The following NHSL2 variants were observed in gnomAD, a reference collection of about 807,000 sequenced individuals.
NHSL2 encodes the protein NHS-like protein 2.
Under a neutral mutation model 53.4 loss-of-function variants are expected in NHSL2, and 27 were observed. The observed-to-expected ratio is 0.51, with a 90% CI of 0.37 to 0.70. NHSL2 has a LOEUF of 0.70. NHSL2 is among the 30% of genes least tolerant of loss of function. The probability of loss-of-function intolerance (pLI) is 0.00; values close to 1 mark genes in which losing one functional copy is unlikely to be tolerated. For missense variants in NHSL2, 892 were observed against 980.1 expected, an observed-to-expected ratio of 0.91 and a Z score of 1.20; for synonymous variants, 408 against 404.1, an observed-to-expected ratio of 1.01 and a Z score of -0.12.
chrX:72,071,034 C>A (rs1454394609), intron 1 of NHSL2, among the ~76,000 whole-genome samples: 1 of 111,629 alleles, frequency 9.0e-6, no homozygotes, highest in East Asian at 2.8e-4. Context: ...GTCCCAGGGG[C>A]AGCCCTACAA....
In NHSL2 at chrX:72,149,015, A is replaced by G. The variant is rs963415899; in HGVS notation, c.*5441A>G. The G allele has an allele frequency of 4.5e-5, 5 of 110,472 alleles. No homozygotes were observed. In the Admixed American group the frequency reaches 4.8e-4, roughly 11 times the overall value. 9.1% of individuals were successfully genotyped at this position (110,472 alleles called of 1,213,427 possible). ...CTCTGGCCAAGAGGTGTATATTGTT[A>G]TCTTGGTCAGGCATATGTTTGCTTG... is the stretch of plus-strand genomic sequence containing the variant. On this transcript the variant is annotated 3_prime_UTR_variant, in exon 8 of 8. Coordinates refer to ENST00000633930, the MANE Select transcript of NHSL2 (RefSeq NM_001013627.3).
chrX:72,131,266 G>A (rs756193136), intron 1 of NHSL2: 7 of 1,195,372 alleles, frequency 5.9e-6, no homozygotes, highest in Admixed American at 4.5e-5. Context: ...CTCCGCGCGT[G>A]GGGGAGGCCG....
intron 1 of NHSL2, among the ~76,000 whole-genome samples, chrX:71,951,005 TACACACACAC>T (rs10527333): frequency 5.6e-5 from 5 of 89,747 alleles, no homozygotes; most frequent in African/African-American, 1.7e-4. Flanking sequence ...AAATACAAAA[TACACACACAC>T]ACACACACAC....
chrX:72,098,618 G>A (rs909455880), intron 1 of NHSL2, among the ~76,000 whole-genome samples: 1 of 109,689 alleles, frequency 9.1e-6, no homozygotes, highest in Non-Finnish European at 1.9e-5. Flanking sequence ...GAAGTTGAAA[G>A]GGGTGTTTAC....
chrX:72,024,442 C>G (rs1332151431), intron 1 of NHSL2, among the ~76,000 whole-genome samples: 1 of 111,995 alleles, frequency 8.9e-6, no homozygotes, highest in Non-Finnish European at 1.9e-5. Context: ...TTAAAGGAGA[C>G]ATTTGAAGAT....
intron 1 of NHSL2, among the ~76,000 whole-genome samples, chrX:72,105,935 C>T (rs190270853): frequency 2.5e-4 from 28 of 112,258 alleles, no homozygotes; most frequent in African/African-American, 6.8e-4. Context: ...TGAGGCCGGG[C>T]GCGGTGGCTC....
At position 72,142,234 on chromosome X, in the gene NHSL2, A is replaced by C. The variant is rs920453739; in HGVS notation, c.3226A>C (p.Ser1076Arg). Residue 1076 changes from serine (S) to arginine (R), a missense_variant and splice_region_variant, in exon 7 of 8, where the codon AGT (serine) becomes CGT (arginine). Coordinates refer to ENST00000633930, the MANE Select transcript of NHSL2 (RefSeq NM_001013627.3). ...DSEREASPLG[S>R]SVEPGTEEKS... Reference sequence around the variant, plus strand: ...TCCTTTTGGTTTTTTATGTCTAGGGAGTTCTGTGGAACCAGGCACCGAAGA... The same window carrying C: ...TCCTTTTGGTTTTTTATGTCTAGGGCGTTCTGTGGAACCAGGCACCGAAGA... The C allele has an allele frequency of 8.6e-7, 1 of 1,162,599 alleles. No individual in the cohort carries two copies. Among genetic ancestry groups the C allele is most frequent in the Admixed American group, 2.6e-5 (1 of 38,434 alleles).
chrX:72,068,567 C>A (rs1481194521), intron 1 of NHSL2, among the ~76,000 whole-genome samples: 7 of 112,612 alleles, frequency 6.2e-5, no homozygotes, highest in Non-Finnish European at 1.3e-4. Context: ...CTGGAATGGG[C>A]TGCTGAGCTA....
At chrX:71,993,653 G>A (rs2042037253) in intron 1 of NHSL2, among the ~76,000 whole-genome samples, 2 of 111,519 alleles carry the variant, frequency 1.8e-5, no homozygotes, top group Admixed American at 9.5e-5. Flanking sequence ...AGGATGCTCC[G>A]TCTTTAGCAG....
intron 1 of NHSL2, among the ~76,000 whole-genome samples, chrX:72,043,169 AC>A (rs2042285708): frequency 9.0e-6 from 1 of 110,929 alleles, no homozygotes; most frequent in South Asian, 3.8e-4. Flanking sequence ...CAGACCTGCT[AC>A]CTCTTTCTAC....
chrX:72,023,314 G>C (rs1419588368), intron 1 of NHSL2, among the ~76,000 whole-genome samples: 1 of 112,808 alleles, frequency 8.9e-6, no homozygotes, highest in Non-Finnish European at 1.9e-5. Context: ...GAACAGATAA[G>C]GAAGAAAATC....
chrX:72,035,327 G>A (rs2042235519), intron 1 of NHSL2, among the ~76,000 whole-genome samples: 1 of 89,939 alleles, frequency 1.1e-5, no homozygotes, highest in Admixed American at 1.4e-4. Flanking sequence ...TGTTCCATGT[G>A]TATTCTGCTC....
chrX:71,992,328 C>G (rs747289447), intron 1 of NHSL2, among the ~76,000 whole-genome samples: 12 of 111,624 alleles, frequency 1.1e-4, no homozygotes, highest in Non-Finnish European at 1.9e-4. Flanking sequence ...ACATATCCAC[C>G]TGTATGTAGC....
chrX:71,973,949 G>A (rs1312705659), intron 1 of NHSL2, among the ~76,000 whole-genome samples: 1 of 111,707 alleles, frequency 9.0e-6, no homozygotes, highest in Non-Finnish European at 1.9e-5. Context: ...ATCCAGAACA[G>A]CGCTTCTGTA....
chrX:72,078,629 C>T (rs1297558511), intron 1 of NHSL2, among the ~76,000 whole-genome samples: 2 of 111,671 alleles, frequency 1.8e-5, no homozygotes, highest in East Asian at 2.8e-4. Context: ...GTCTGGCCTC[C>T]GTGAAGCCAT....
chrX:72,058,803 C>T (rs1343380121), intron 1 of NHSL2, among the ~76,000 whole-genome samples: 2 of 112,369 alleles, frequency 1.8e-5, no homozygotes, highest in African/African-American at 6.5e-5. Flanking sequence ...TGGACACTGT[C>T]TTTGTCCATC....
At chrX:71,964,050 T>C (rs868173486) in intron 1 of NHSL2, among the ~76,000 whole-genome samples, 4 of 73,265 alleles carry the variant, frequency 5.5e-5, no homozygotes, top group Non-Finnish European at 8.5e-5. Context: ...TATGTATATA[T>C]ATATATGTGT....
At chrX:72,141,980 C>T (rs142744519) in intron 6 of NHSL2, among the ~76,000 whole-genome samples, 3,854 of 111,438 alleles carry the variant, frequency 0.035, 163 homozygotes, top group African/African-American at 0.12. Context: ...AGAGAATGCT[C>T]GGGCCACCTG....
At chrX:72,054,329 C>T (rs187293454) in intron 1 of NHSL2, among the ~76,000 whole-genome samples, 130 of 111,459 alleles carry the variant, frequency 1.2e-3, no homozygotes, top group African/African-American at 4.2e-3. Context: ...CCCATCTCTC[C>T]AGTGCAATAA....
Sources: allele counts gnomAD v4.1 joint callset (sites outside exome capture counted in the v4.1 genomes callset), GRCh38; gene constraint gnomAD v4.1.1; transcripts MANE v1.5; gene names NCBI Gene and HGNC (gene_info 2026-07-23, HGNC 2026-07-21).